Variants in GLIS3 observed in about 807,000 individuals in gnomAD.
GLIS3 encodes zinc finger protein GLIS3.
In GLIS3, 53 loss-of-function variants were observed where a neutral mutation model predicts 78.6. The ratio of observed to expected loss-of-function variants is 0.67; its 90% confidence interval spans 0.54 to 0.85. The LOEUF (loss-of-function observed/expected upper bound fraction) is 0.85. GLIS3 is among the 40% of genes least tolerant of loss of function. The probability of loss-of-function intolerance (pLI) is 0.00; values close to 1 mark genes in which losing one functional copy is unlikely to be tolerated. For synonymous variants in GLIS3, 684 were observed against 509.9 expected (o/e 1.34, Z -4.60); for missense variants, 1,703 against 1,231.1 (o/e 1.38, Z -5.74).
the GLIS3 span, among the ~76,000 whole-genome samples, chr9:4,471,025 A>G: frequency 6.6e-6 from 1 of 151,346 alleles, no homozygotes; most frequent in African/African-American, 2.4e-5. Flanking sequence ...AGAGAATAAA[A>G]TACCTAGGAA....
At position 3,906,245 on chromosome 9, in the gene GLIS3, A is replaced by G. The variant is rs149359638; in HGVS notation, c.1984-7410T>C. Among the ~76,000 whole-genome samples, 17 of 152,338 alleles carry G rather than the reference A, an allele frequency of 1.1e-4. No individual in the cohort carries two copies. The East Asian group carries it at 2.7e-3, about 24-fold the overall frequency. On this transcript the variant is annotated intron_variant, in intron 6 of 10. Transcript: ENST00000381971. Reference sequence around the variant, plus strand: ...AGGAAACAAAGTGGTTTATCTTATAAAAGATTCACTCTGATTACTGTGCAG... The same window carrying G: ...AGGAAACAAAGTGGTTTATCTTATAGAAGATTCACTCTGATTACTGTGCAG...
intron 5 of GLIS3, among the ~76,000 whole-genome samples, chr9:3,934,071 G>A (rs1301265021): frequency 6.6e-6 from 1 of 152,196 alleles, no homozygotes; most frequent in East Asian, 1.9e-4. Context: ...CCAGGTTCTC[G>A]ATACCTCATG....
chr9:4,242,994 C>A (rs1587116877), intron 2 of GLIS3, among the ~76,000 whole-genome samples: 1 of 151,864 alleles, frequency 6.6e-6, no homozygotes, highest in African/African-American at 2.4e-5. Context: ...AAAGCTCTGC[C>A]TTGTATGTAC....
At position 4,082,983 on chromosome 9, in the gene GLIS3, T is replaced by C. The variant is rs552818963; in HGVS notation, c.1710+34785A>G. On this transcript the variant is annotated intron_variant, in intron 4 of 10. Coordinates refer to ENST00000381971, the MANE Select transcript of GLIS3 (RefSeq NM_001042413.2). ...TAACTAGCTGTAATTTAGTACCTTG[T>C]TCTCTGCAAGTGCCAAAGTTTTTAG... is the stretch of plus-strand genomic sequence containing the variant. 9.2e-5 allele frequency among the ~76,000 whole-genome samples: 14 copies of C among 152,318 alleles called. No individual in the cohort carries two copies. In the South Asian group the frequency reaches 2.9e-3, roughly 32 times the overall value.
chr9:4,255,582 T>A (rs1375696347), intron 2 of GLIS3, among the ~76,000 whole-genome samples: 5 of 152,088 alleles, frequency 3.3e-5, no homozygotes, highest in Non-Finnish European at 7.4e-5. Flanking sequence ...AAAACTTAAA[T>A]GCATATTACT....
intron 9 of GLIS3, among the ~76,000 whole-genome samples, chr9:3,830,566 A>G (rs1337271890): frequency 6.6e-6 from 1 of 152,212 alleles, no homozygotes; most frequent in African/African-American, 2.4e-5. Context: ...AGCACTTTAT[A>G]AGTGTCAGTT....
At chr9:4,407,442 G>A in the GLIS3 span, among the ~76,000 whole-genome samples, 276 of 152,258 alleles carry the variant, frequency 1.8e-3, 2 homozygotes, top group South Asian at 9.6e-3. Context: ...TCAGGAGATC[G>A]AGACCATCCT....
intron 2 of GLIS3, among the ~76,000 whole-genome samples, chr9:4,313,809 C>T (rs1817399485): frequency 6.6e-6 from 1 of 152,216 alleles, no homozygotes; most frequent in African/African-American, 2.4e-5. Flanking sequence ...CTCTCCCTTG[C>T]ATTTTCCACT....
At chr9:4,111,023 A>C (rs1007533626) in intron 4 of GLIS3, among the ~76,000 whole-genome samples, 1 of 152,190 alleles carries the variant, frequency 6.6e-6, no homozygotes, top group Non-Finnish European at 1.5e-5. Flanking sequence ...GGGTGTTTCT[A>C]ATATATTGCC....
intron 4 of GLIS3, among the ~76,000 whole-genome samples, chr9:3,939,061 C>T (rs1381950655): frequency 6.6e-6 from 1 of 152,108 alleles, no homozygotes; most frequent in Non-Finnish European, 1.5e-5. Flanking sequence ...TTAGACACGC[C>T]AAGACTGTAG....
intron 4 of GLIS3, among the ~76,000 whole-genome samples, chr9:4,113,127 CAACA>C (rs1831361832): frequency 6.6e-6 from 1 of 151,738 alleles, no homozygotes; most frequent in Non-Finnish European, 1.5e-5. Context: ...TTTTTTCACT[CAACA>C]GTGTTTTTTG....
At chr9:3,933,967 T>C (rs1036543263) in intron 5 of GLIS3, among the ~76,000 whole-genome samples, 59 of 152,166 alleles carry the variant, frequency 3.9e-4, no homozygotes, top group African/African-American at 1.4e-3. Flanking sequence ...GACTGACTGT[T>C]TGACTGGTTG....
In GLIS3 at chr9:4,257,719, G is replaced by T. The variant is rs947098715; in HGVS notation, c.388+28319C>A. On this transcript the variant is annotated intron_variant, in intron 2 of 10. Coordinates refer to ENST00000381971, the MANE Select transcript of GLIS3 (RefSeq NM_001042413.2). ...CTCCCAAGTAGCTGGGACTACAGGT[G>T]CCTGCCACCACGCCCGGCTAATTTT... 2.0e-5 allele frequency among the ~76,000 whole-genome samples: 3 copies of T among 151,792 alleles called. No individual in the cohort carries two copies. In the South Asian group the frequency reaches 6.3e-4, roughly 32 times the overall value.
At chr9:4,030,393 G>T (rs537611449) in intron 4 of GLIS3, among the ~76,000 whole-genome samples, 1 of 152,180 alleles carries the variant, frequency 6.6e-6, no homozygotes, top group South Asian at 2.1e-4. Context: ...CCCATTCTGT[G>T]AGTTGTCTCT....
At chr9:3,958,975 T>C (rs1390043658) in intron 4 of GLIS3, among the ~76,000 whole-genome samples, 1 of 152,220 alleles carries the variant, frequency 6.6e-6, no homozygotes, top group African/African-American at 2.4e-5. Context: ...GTAAAGACTA[T>C]AGGAAAGCCT....
chr9:4,362,142 CA>C, the GLIS3 span, among the ~76,000 whole-genome samples: 2 of 152,368 alleles, frequency 1.3e-5, no homozygotes, highest in South Asian at 4.1e-4. Flanking sequence ...GCTGTCAAGA[CA>C]AAACCCAGGA....
At chr9:4,321,945 T>C (rs940019758) in intron 2 of GLIS3, among the ~76,000 whole-genome samples, 1 of 152,134 alleles carries the variant, frequency 6.6e-6, no homozygotes, top group Non-Finnish European at 1.5e-5. Context: ...TTGTTACATA[T>C]GTATACAAGT....
chr9:4,035,087 C>T (rs1824192965), intron 4 of GLIS3: 1 of 152,138 alleles, frequency 6.6e-6, no homozygotes, highest in South Asian at 2.1e-4. Context: ...GAAGCAGCAA[C>T]ACTAGTCTAA....
the GLIS3 span, among the ~76,000 whole-genome samples, chr9:4,452,452 G>C: frequency 6.6e-6 from 1 of 152,148 alleles, no homozygotes; most frequent in Admixed American, 6.5e-5. Context: ...ACCTCCTTAA[G>C]CTGATAAGCA....
Sources: allele counts gnomAD v4.1 joint callset (sites outside exome capture counted in the v4.1 genomes callset), GRCh38; gene constraint gnomAD v4.1.1; transcripts MANE v1.5; gene names NCBI Gene and HGNC (gene_info 2026-07-23, HGNC 2026-07-21).